Variants in FAM120A observed in about 807,000 individuals in gnomAD.
FAM120A encodes the protein family with sequence similarity 120 member A.
Under a neutral mutation model 109.7 loss-of-function variants are expected in FAM120A, and 15 were observed. The ratio of observed to expected loss-of-function variants is 0.14; its 90% CI spans 0.09 to 0.21. The LOEUF is 0.21. Ranked by LOEUF, FAM120A falls within the 10% of genes least tolerant of loss-of-function variation. The pLI is 1.00. For missense variants in FAM120A, 899 were observed against 1,439.3 expected, an observed-to-expected ratio of 0.62 and a Z score of 6.07; for synonymous variants, 493 against 572.8, an observed-to-expected ratio of 0.86 and a Z score of 1.99.
chr9:93,463,018 A>G (rs1298281858), intron 1 of FAM120A, among the ~76,000 whole-genome samples: 2 of 151,832 alleles, frequency 1.3e-5, no homozygotes, highest in African/African-American at 4.8e-5. Context: ...CTTCGGACCC[A>G]TTTTTTCAAC....
At chr9:93,546,815 T>G (rs950683679) in intron 11 of FAM120A, among the ~76,000 whole-genome samples, 2 of 152,222 alleles carry the variant, frequency 1.3e-5, no homozygotes, top group African/African-American at 4.8e-5. Flanking sequence ...TTTTTATTCC[T>G]TTATAGACTA....
Position 93,452,438 on chromosome 9 carries a change from C to T in FAM120A, c.474+49C>T. 1 of 1,563,120 alleles carries T rather than the reference C, an allele frequency of 6.4e-7. No individual in the cohort carries two copies. The highest frequency in any genetic ancestry group is 8.6e-7 in the Non-Finnish European group (1 of 1,156,468). On this transcript the variant is annotated intron_variant, in intron 1 of 17. Coordinates refer to ENST00000277165, the MANE Select transcript of FAM120A (RefSeq NM_014612.5). The surrounding 1 kb of genome is among the most constrained non-coding windows in gnomAD (Gnocchi z 7.0). ...CCGGGGACCGGGGCCGCGCCGCACC[C>T]CTATCCCCCTTCCCAGGGCGCAGAA... is the stretch of plus-strand genomic sequence containing the variant.
At chr9:93,477,276 C>G (rs536864776) in intron 3 of FAM120A, among the ~76,000 whole-genome samples, 1 of 152,162 alleles carries the variant, frequency 6.6e-6, no homozygotes, top group Admixed American at 6.5e-5. Context: ...CTGGTGATAC[C>G]CAAAAGCTGA....
At chr9:93,485,974 C>T (rs1216824408) in intron 3 of FAM120A, among the ~76,000 whole-genome samples, 2 of 151,918 alleles carry the variant, frequency 1.3e-5, no homozygotes, top group African/African-American at 2.4e-5. Context: ...TACTTTATTC[C>T]TTTTTTAAAA....
chr9:93,526,977 A>G (rs1170388581), intron 7 of FAM120A, among the ~76,000 whole-genome samples, 178 bp from the exon 8 acceptor site: 3 of 152,218 alleles, frequency 2.0e-5, no homozygotes, highest in Non-Finnish European at 2.9e-5. Flanking sequence ...GTATGTGGTT[A>G]TCACCTACCC....
intron 3 of FAM120A, among the ~76,000 whole-genome samples, chr9:93,483,136 A>C (rs1588819956): frequency 6.6e-6 from 1 of 152,172 alleles, no homozygotes; most frequent in Non-Finnish European, 1.5e-5. Flanking sequence ...ACTTTCACCT[A>C]TATTGTCATA....
At chr9:93,538,404 T>C (rs1455809403) in intron 10 of FAM120A, among the ~76,000 whole-genome samples, 1 of 152,228 alleles carries the variant, frequency 6.6e-6, no homozygotes, top group Non-Finnish European at 1.5e-5. Context: ...GTCTTCGTTG[T>C]ATCCATTTTT....
chr9:93,511,988 C>T (rs1422764190), intron 5 of FAM120A, among the ~76,000 whole-genome samples: 4 of 152,156 alleles, frequency 2.6e-5, no homozygotes, highest in African/African-American at 7.2e-5. Flanking sequence ...GACGGGCTTT[C>T]GCCATGTTGG....
chr9:93,501,897 C>T (rs925351223), intron 5 of FAM120A, among the ~76,000 whole-genome samples: 2 of 152,180 alleles, frequency 1.3e-5, no homozygotes, highest in Non-Finnish European at 2.9e-5. Context: ...TTTACCCCTG[C>T]ATACTACTGG....
At chr9:93,559,378 T>C (rs898667608) in intron 15 of FAM120A, among the ~76,000 whole-genome samples, 5 of 152,258 alleles carry the variant, frequency 3.3e-5, no homozygotes, top group African/African-American at 1.2e-4. Flanking sequence ...TCAAGTCACA[T>C]AACAGGATTA....
intron 7 of FAM120A, chr9:93,523,404 T>A: frequency 1.0e-6 from 1 of 1,003,848 alleles, no homozygotes; most frequent in Non-Finnish European, 1.3e-6. Context: ...TTAGTGTAAC[T>A]GTAGGTTTTT....
At position 93,505,364 on chromosome 9, in the gene FAM120A, C is replaced by T. The variant is rs563338045; in HGVS notation, c.1030+6478C>T. 5.3e-5 allele frequency among the ~76,000 whole-genome samples: 8 copies of T among 152,050 alleles called. No homozygotes were observed. In the East Asian group the frequency reaches 9.6e-4, roughly 18 times the overall value. ...CGTGAGCCACTGCGCCCGGCCTGTTCGCTTGTGTTTCTGTTGGGTTGTTTT... is the reference window on the plus strand; with the variant it reads ...CGTGAGCCACTGCGCCCGGCCTGTTTGCTTGTGTTTCTGTTGGGTTGTTTT... On this transcript the variant is annotated intron_variant, in intron 5 of 17. Coordinates refer to ENST00000277165, the MANE Select transcript of FAM120A (RefSeq NM_014612.5).
chr9:93,504,296 T>G (rs569294980), intron 5 of FAM120A, among the ~76,000 whole-genome samples: 3 of 152,160 alleles, frequency 2.0e-5, no homozygotes, highest in Non-Finnish European at 4.4e-5. Flanking sequence ...CCACCTTGGA[T>G]TTTAGACTTT....
chr9:93,559,831 C>A (rs938292372), intron 15 of FAM120A, among the ~76,000 whole-genome samples: 1 of 152,168 alleles, frequency 6.6e-6, no homozygotes, highest in Non-Finnish European at 1.5e-5. Context: ...ATAAAAGGAA[C>A]CTGCTTCCTG....
At chr9:93,508,276 A>G (rs1325742965) in intron 5 of FAM120A, among the ~76,000 whole-genome samples, 1 of 152,222 alleles carries the variant, frequency 6.6e-6, no homozygotes, top group Non-Finnish European at 1.5e-5. Flanking sequence ...AACAGATGCT[A>G]CACAGTGATG....
chr9:93,471,249 C>T lies in FAM120A; in HGVS notation c.583C>T (p.Pro195Ser), dbSNP rs1046668904. The T allele has an allele frequency of 4.3e-6, 7 of 1,613,990 alleles. No individual in the cohort carries two copies. The highest frequency in any genetic ancestry group is 4.0e-5 in the African/African-American group (3 of 74,860). Residue 195 changes from proline (P) to serine (S), a missense_variant, in exon 2 of 18, where the codon CCC becomes TCC. Coordinates refer to ENST00000277165, the MANE Select transcript of FAM120A (RefSeq NM_014612.5). ...CTCTGATTATGCACTGTGCAACATC[C>T]CCTACTATTTCAGTGCCCATGCCCT... ...YDSDYALCNI[P>S]YYFSAHALKL...
At chr9:93,547,338 A>G (rs1450237314) in intron 11 of FAM120A, among the ~76,000 whole-genome samples, 2 of 152,230 alleles carry the variant, frequency 1.3e-5, no homozygotes, top group Non-Finnish European at 2.9e-5. Context: ...GCTCCAGAGC[A>G]ATGCTGGCGC....
chr9:93,553,060 C>G (rs777840240), intron 12 of FAM120A, among the ~76,000 whole-genome samples: 1 of 152,226 alleles, frequency 6.6e-6, no homozygotes, highest in African/African-American at 2.4e-5. Context: ...ATGCTTTCTT[C>G]GTCTGCCATG....
Position 93,452,745 on chromosome 9 carries a change from A to G in FAM120A, c.474+356A>G, listed in dbSNP as rs532571892. Reference sequence around the variant, plus strand: ...GCGGGCAGGCTATCACTCACCTTCAACTTTGACAAAATACTCCCTTTTCTA... The same window carrying G: ...GCGGGCAGGCTATCACTCACCTTCAGCTTTGACAAAATACTCCCTTTTCTA... On this transcript the variant is annotated intron_variant, in intron 1 of 17. Coordinates refer to ENST00000277165, the MANE Select transcript of FAM120A (RefSeq NM_014612.5). This position sits in a 1 kb window ranked among gnomAD's most constrained non-coding sequence, Gnocchi z 7.0. The G allele has an allele frequency of 7.5e-6, 12 of 1,596,938 alleles. No individual in the cohort carries two copies. The East Asian group carries it at 2.2e-4, about 30-fold the overall frequency.
Sources: allele counts gnomAD v4.1 joint callset (sites outside exome capture counted in the v4.1 genomes callset), GRCh38; gene constraint gnomAD v4.1.1; non-coding constraint Gnocchi (gnomAD v3.1); transcripts MANE v1.5; gene names NCBI Gene and HGNC (gene_info 2026-07-23, HGNC 2026-07-21).